ATP10A: variants seen among roughly 807,000 people sequenced by gnomAD.
The protein encoded by ATP10A is phospholipid-transporting ATPase VA.
In ATP10A, 111 loss-of-function variants were observed where a neutral mutation model predicts 147.8. The observed-to-expected ratio is 0.75, with a 90% CI of 0.64 to 0.88. The LOEUF (loss-of-function observed/expected upper bound fraction) is 0.88, where lower values mean the gene tolerates loss of function less well. Among genes scored for constraint, ATP10A ranks in the 40% least tolerant of loss-of-function variants. The pLI is 0.00. For missense variants in ATP10A, 1,927 were observed against 1,959.0 expected (o/e 0.98, Z 0.31); for synonymous variants, 875 against 841.6 (o/e 1.04, Z -0.69).
chr15:25,677,437 T>C (rs896874989), downstream of ATP10A: 11 of 152,044 alleles, frequency 7.2e-5, no homozygotes, highest in African/African-American at 2.4e-4. Context: ...AAGCATCTAC[T>C]CTCCAGAGGA....
chr15:25,714,485 A>T (rs1263289298), intron 9 of ATP10A, among the ~76,000 whole-genome samples: 2 of 152,074 alleles, frequency 1.3e-5, no homozygotes, highest in African/African-American at 4.8e-5. Flanking sequence ...TATAATAATA[A>T]TAATAAAAAA....
chr15:25,854,662 C>T (rs1374789764), intron 1 of ATP10A, among the ~76,000 whole-genome samples: 4 of 152,132 alleles, frequency 2.6e-5, no homozygotes, highest in Non-Finnish European at 4.4e-5. Flanking sequence ...TTTACAACTC[C>T]GCACAAAGAA....
intron 3 of ATP10A, among the ~76,000 whole-genome samples, chr15:25,735,022 T>G (rs866935423): frequency 0.063 from 2,816 of 44,506 alleles, 1 homozygote; most frequent in Middle Eastern, 0.073. Context: ...GGTGGGGGGG[T>G]GGGGGAAGTG....
intron 1 of ATP10A, among the ~76,000 whole-genome samples, chr15:25,808,761 ACCTGGATCTATATTATCTTTGT>A (rs1297881023): frequency 6.6e-6 from 1 of 152,160 alleles, no homozygotes; most frequent in Non-Finnish European, 1.5e-5. Context: ...TGGGTGGCTG[ACCTGGATCTATATTATCTTTGT>A]GCCAGTATAC....
chr15:25,687,620 A>T (rs1406874766), intron 16 of ATP10A, 83 bp downstream of exon 16: 2 of 899,606 alleles, frequency 2.2e-6, no homozygotes, highest in Admixed American at 9.9e-5. Flanking sequence ...CATCTGCTCC[A>T]TCCTCCTTCG....
intron 1 of ATP10A, among the ~76,000 whole-genome samples, chr15:25,798,888 C>G (rs1890807529): frequency 6.9e-6 from 1 of 144,010 alleles, no homozygotes; most frequent in Non-Finnish European, 1.5e-5. Context: ...TACAGGGATC[C>G]CACTCGGAGG....
intron 1 of ATP10A, among the ~76,000 whole-genome samples, chr15:25,802,266 G>A (rs1245024703): frequency 3.3e-5 from 5 of 152,168 alleles, no homozygotes; most frequent in South Asian, 2.1e-4. Flanking sequence ...ATCTCAGCCC[G>A]AGGCTGTGGC....
At chr15:25,708,547 C>T in intron 10 of ATP10A, 1 of 440,430 alleles carries the variant, frequency 2.3e-6, no homozygotes, top group South Asian at 2.5e-5. Context: ...TCACGAACTC[C>T]TGGACTCAAA....
intron 1 of ATP10A, among the ~76,000 whole-genome samples, chr15:25,833,231 C>T (rs1892439251): frequency 6.6e-6 from 1 of 152,088 alleles, no homozygotes; most frequent in South Asian, 2.1e-4. Flanking sequence ...AATCCACCCA[C>T]CTTGACCTCC....
chr15:25,733,526 C>CG (rs1425906403), intron 3 of ATP10A, among the ~76,000 whole-genome samples: 1 of 152,162 alleles, frequency 6.6e-6, no homozygotes, highest in Non-Finnish European at 1.5e-5. Context: ...CCCACAGTCA[C>CG]GGGGGCAAGT....
At chr15:25,860,179 C>CTGT (rs1399867839) in intron 1 of ATP10A, among the ~76,000 whole-genome samples, 1 of 152,190 alleles carries the variant, frequency 6.6e-6, no homozygotes, top group Non-Finnish European at 1.5e-5. Flanking sequence ...ACCCTAGAAC[C>CTGT]TGTTCTCAAC....
At chr15:25,850,797 C>T (rs945671648) in intron 1 of ATP10A, among the ~76,000 whole-genome samples, 42 of 152,174 alleles carry the variant, frequency 2.8e-4, no homozygotes, top group East Asian at 3.9e-4. Context: ...TTGGAACTTA[C>T]ATTTACCTTT....
At chr15:25,842,925 C>T (rs1892867739) in intron 1 of ATP10A, among the ~76,000 whole-genome samples, 1 of 152,096 alleles carries the variant, frequency 6.6e-6, no homozygotes, top group African/African-American at 2.4e-5. Flanking sequence ...CACTATGTTG[C>T]CCAAGCTGGT....
chr15:25,844,723 G>A (rs1398475869), intron 1 of ATP10A, among the ~76,000 whole-genome samples: 2 of 152,090 alleles, frequency 1.3e-5, no homozygotes, highest in Non-Finnish European at 2.9e-5. Context: ...CAGTGAGGAG[G>A]GCAGACCTGG....
chr15:25,721,487 G>T (rs527651968), intron 7 of ATP10A, among the ~76,000 whole-genome samples, 170 bp downstream of exon 7: 1 of 152,142 alleles, frequency 6.6e-6, no homozygotes, highest in African/African-American at 2.4e-5. Context: ...TCAGGCACCT[G>T]AGCTGCTGTG....
intron 3 of ATP10A, among the ~76,000 whole-genome samples, chr15:25,733,651 G>C (rs1355257246): frequency 2.0e-5 from 3 of 152,240 alleles, no homozygotes; most frequent in Non-Finnish European, 4.4e-5. Context: ...GGCTGGTGGA[G>C]ATGGCGAATT....
intron 15 of ATP10A, 167 bp from the exon 16 acceptor site, chr15:25,687,995 T>G: frequency 1.2e-6 from 1 of 827,130 alleles, no homozygotes; most frequent in Non-Finnish European, 2.0e-6. Context: ...CCTCAGCATC[T>G]CCTTCCGTTA....
At chr15:25,685,897 G>A (rs1386972403) in intron 16 of ATP10A, among the ~76,000 whole-genome samples, 1 of 151,964 alleles carries the variant, frequency 6.6e-6, no homozygotes, top group South Asian at 2.1e-4. Flanking sequence ...GTGATAGAAA[G>A]GGGGCTTGGA....
intron 1 of ATP10A, among the ~76,000 whole-genome samples, chr15:25,820,415 A>C (rs756638041): frequency 6.6e-6 from 1 of 152,232 alleles, no homozygotes; most frequent in Non-Finnish European, 1.5e-5. Flanking sequence ...CCGTGTCTTA[A>C]ACAGAAACAC....
Sources: gnomAD v4.1 joint callset for allele counts (sites outside exome capture counted in the v4.1 genomes callset) on GRCh38, gnomAD v4.1.1 for gene constraint, MANE v1.5 for transcripts, NCBI Gene and HGNC (gene_info 2026-07-23, HGNC 2026-07-21) for gene names.